The following TMEM132B variants were observed in gnomAD, a reference collection of about 807,000 sequenced individuals.
The protein encoded by TMEM132B is transmembrane protein 132B.
TMEM132B carries 18 observed loss-of-function variants against 90.8 expected under a neutral mutation model. The ratio of observed to expected loss-of-function variants is 0.20; its 90% CI spans 0.14 to 0.29. The LOEUF is 0.29. TMEM132B is among the 10% of genes least tolerant of loss of function. TMEM132B has a pLI of 1.00. For synonymous variants in TMEM132B, 504 were observed against 523.3 expected, an observed-to-expected ratio of 0.96 and a Z score of 0.50; for missense variants, 1,096 against 1,326.8, an observed-to-expected ratio of 0.83 and a Z score of 2.70.
At chr12:125,228,441 C>G (rs1380882216) in intron 1 of TMEM132B, among the ~76,000 whole-genome samples, 1 of 152,244 alleles carries the variant, frequency 6.6e-6, no homozygotes, top group East Asian at 1.9e-4. Context: ...CTCTCTTGGC[C>G]CAGAAAAGAT....
rs997235338 is a variant in TMEM132B, at chr12:125,658,242, G to A, written c.*3532G>A. ...TTTTTGTCCCATTGCCACATCTGTA[G>A]ACTAAGTAATTTTTAACTTGCTAAC... is the stretch of plus-strand genomic sequence containing the variant. On this transcript the variant is annotated 3_prime_UTR_variant, in exon 9 of 9. Coordinates refer to ENST00000682704, the MANE Select transcript of TMEM132B (RefSeq NM_001366854.1). 1 of 152,226 alleles carries A rather than the reference G, an allele frequency of 6.6e-6. No individual in the cohort carries two copies. Among genetic ancestry groups the A allele is most frequent in the African/African-American group, 2.4e-5 (1 of 41,458 alleles). 9.4% of individuals were successfully genotyped at this position (152,226 alleles called of 1,614,324 possible).
At chr12:125,545,013 A>G (rs915260558) in intron 4 of TMEM132B, among the ~76,000 whole-genome samples, 2 of 152,190 alleles carry the variant, frequency 1.3e-5, no homozygotes, top group Non-Finnish European at 2.9e-5. Flanking sequence ...CAGAGAATAT[A>G]AACTGTAGGC....
At chr12:125,269,468 G>A (rs549416789) in intron 1 of TMEM132B, among the ~76,000 whole-genome samples, 3 of 152,188 alleles carry the variant, frequency 2.0e-5, no homozygotes, top group Non-Finnish European at 4.4e-5. Flanking sequence ...CTTGGGACTC[G>A]AGCCTGGTAA....
At chr12:125,485,680 C>A (rs1451710191) in intron 3 of TMEM132B, among the ~76,000 whole-genome samples, 4 of 152,138 alleles carry the variant, frequency 2.6e-5, no homozygotes, top group Admixed American at 2.6e-4. Context: ...ACTGTAGTTC[C>A]ATCCATTAAG....
chr12:125,564,319 C>T (rs1425105298), intron 4 of TMEM132B, among the ~76,000 whole-genome samples: 1 of 151,954 alleles, frequency 6.6e-6, no homozygotes, highest in Non-Finnish European at 1.5e-5. Context: ...AGAATGGCTT[C>T]AATACTGACA....
At chr12:125,595,600 G>A (rs1054373225) in intron 5 of TMEM132B, among the ~76,000 whole-genome samples, 5 of 152,250 alleles carry the variant, frequency 3.3e-5, no homozygotes, top group Non-Finnish European at 4.4e-5. Context: ...TCGCAATTAC[G>A]TTTGCACCAA....
intron 8 of TMEM132B, among the ~76,000 whole-genome samples, 184 bp downstream of exon 8, chr12:125,652,816 T>C (rs1216776186): frequency 6.6e-6 from 1 of 152,242 alleles, no homozygotes; most frequent in Non-Finnish European, 1.5e-5. Flanking sequence ...ACACATTTCC[T>C]CTTATGTGCT....
chr12:125,447,043 A>T lies in TMEM132B; in HGVS notation c.1106+31366A>T, dbSNP rs560462076. ...GCTATTTTATACCAGTTTTCTTTTGATTACTATTTATGTGGCATATATATT... is the reference window on the plus strand; with the variant it reads ...GCTATTTTATACCAGTTTTCTTTTGTTTACTATTTATGTGGCATATATATT... On this transcript the variant is annotated intron_variant, in intron 3 of 8. Coordinates refer to ENST00000682704, the MANE Select transcript of TMEM132B (RefSeq NM_001366854.1). Among the ~76,000 whole-genome samples, 11 of 152,180 alleles carry T rather than the reference A, an allele frequency of 7.2e-5. No individual in the cohort carries two copies. The South Asian group carries it at 2.3e-3, about 32-fold the overall frequency.
intron 6 of TMEM132B, among the ~76,000 whole-genome samples, chr12:125,644,899 C>T (rs971259629): frequency 6.6e-6 from 1 of 152,082 alleles, no homozygotes; most frequent in Non-Finnish European, 1.5e-5. Context: ...GAAGGGTTGT[C>T]CCCAGAACTC....
At chr12:125,263,341 A>T (rs535603933) in intron 1 of TMEM132B, among the ~76,000 whole-genome samples, 1 of 152,226 alleles carries the variant, frequency 6.6e-6, no homozygotes, top group Admixed American at 6.5e-5. Context: ...TGCATGTGGC[A>T]TTGTGCAAGC....
intron 1 of TMEM132B, among the ~76,000 whole-genome samples, chr12:125,187,949 TAAC>T (rs1957769610): frequency 6.6e-6 from 1 of 152,158 alleles, no homozygotes; most frequent in South Asian, 2.1e-4. Flanking sequence ...CCCATTTCCT[TAAC>T]AAACAAATCG....
At chr12:125,200,021 G>A (rs564742027) in intron 1 of TMEM132B, among the ~76,000 whole-genome samples, 21 of 152,268 alleles carry the variant, frequency 1.4e-4, no homozygotes, top group South Asian at 4.1e-4. Flanking sequence ...AATGGATACC[G>A]GGCACAAAGT....
In TMEM132B at chr12:125,202,774, T is replaced by C. The variant is rs144693911; in HGVS notation, c.67+15908T>C. On this transcript the variant is annotated intron_variant, in intron 1 of 8. Coordinates refer to ENST00000682704, the MANE Select transcript of TMEM132B (RefSeq NM_001366854.1). Reference sequence around the variant, plus strand: ...AGGCTGTCCTAGAAGCTATCTACCATTATGGAACTGCCTGAGAATGAAGCA... The same window carrying C: ...AGGCTGTCCTAGAAGCTATCTACCACTATGGAACTGCCTGAGAATGAAGCA... Among the ~76,000 whole-genome samples, 147 of 152,278 alleles carry C rather than the reference T, an allele frequency of 9.7e-4. 4 individuals carry two copies. In the East Asian group the frequency reaches 0.019, roughly 19 times the overall value.
intron 1 of TMEM132B, among the ~76,000 whole-genome samples, chr12:125,292,925 T>G (rs1431013032): frequency 6.6e-6 from 1 of 152,138 alleles, no homozygotes; most frequent in Non-Finnish European, 1.5e-5. Context: ...GGGCTCAGAG[T>G]GGTTTCTCCA....
chr12:125,317,557 G>T (rs1315079288), intron 1 of TMEM132B, among the ~76,000 whole-genome samples: 1 of 151,764 alleles, frequency 6.6e-6, no homozygotes, highest in Admixed American at 6.5e-5. Context: ...GAGTGAAGGG[G>T]ACATCATCAA....
intron 1 of TMEM132B, among the ~76,000 whole-genome samples, chr12:125,328,938 A>T (rs1319861308): frequency 6.6e-6 from 1 of 152,158 alleles, no homozygotes; most frequent in Non-Finnish European, 1.5e-5. Context: ...CCTCCCTGCA[A>T]CTTCAGTGCC....
intron 4 of TMEM132B, among the ~76,000 whole-genome samples, chr12:125,533,621 C>T (rs950614137): frequency 1.3e-5 from 2 of 152,218 alleles, no homozygotes; most frequent in South Asian, 2.1e-4. Flanking sequence ...ATGGTCCTGG[C>T]GCACCCGCTA....
At chr12:125,651,441 T>C (rs1886917484) in intron 7 of TMEM132B, among the ~76,000 whole-genome samples, 1 of 152,256 alleles carries the variant, frequency 6.6e-6, no homozygotes, top group African/African-American at 2.4e-5. Flanking sequence ...AATTATTTTC[T>C]AGCCAATTTG....
chr12:125,542,410 C>CT (rs1428378600), intron 4 of TMEM132B, among the ~76,000 whole-genome samples: 3 of 152,172 alleles, frequency 2.0e-5, no homozygotes, highest in Non-Finnish European at 2.9e-5. Context: ...TATATTCATA[C>CT]TGTTATGCAG....
Sources: allele counts gnomAD v4.1 joint callset (sites outside exome capture counted in the v4.1 genomes callset), GRCh38; gene constraint gnomAD v4.1.1; transcripts MANE v1.5; gene names NCBI Gene and HGNC (gene_info 2026-07-23, HGNC 2026-07-21).